The following SOX5 variants were observed in gnomAD, a reference collection of about 807,000 sequenced individuals.
The protein encoded by SOX5 is SRY-box transcription factor 5.
A neutral mutation model predicts 92.0 loss-of-function variants in SOX5; 9 were observed. The observed-to-expected ratio is 0.10, with a 90% CI of 0.06 to 0.17. SOX5 has a LOEUF of 0.17. Among genes scored for constraint, SOX5 ranks in the 10% least tolerant of loss-of-function variants. SOX5 has a pLI of 1.00. For missense variants in SOX5, 642 were observed against 944.5 expected (o/e 0.68, Z 4.20); for synonymous variants, 344 against 336.3 (o/e 1.02, Z -0.25).
chr12:24,407,214 C>A (rs942470244), intron 1 of SOX5, among the ~76,000 whole-genome samples: 12 of 152,100 alleles, frequency 7.9e-5, no homozygotes, highest in Non-Finnish European at 1.6e-4. Context: ...AACAGAAGAT[C>A]CTCGAAGATA....
chr12:24,127,008 A>G (rs1306426883), intron 4 of SOX5, among the ~76,000 whole-genome samples: 3 of 152,140 alleles, frequency 2.0e-5, no homozygotes, highest in African/African-American at 7.2e-5. Context: ...TAAATACTAT[A>G]TAATTAGTAC....
intron 3 of SOX5, among the ~76,000 whole-genome samples, chr12:23,792,826 C>G (rs1261969581): frequency 6.6e-6 from 1 of 151,874 alleles, no homozygotes; most frequent in Non-Finnish European, 1.5e-5. Context: ...CTTTTGCTTT[C>G]TTTTCAAAAA....
chr12:23,905,256 C>A (rs2097279702), intron 1 of SOX5, among the ~76,000 whole-genome samples: 1 of 152,148 alleles, frequency 6.6e-6, no homozygotes, highest in South Asian at 2.1e-4. Flanking sequence ...CAGTTTATGG[C>A]AGCCAAATTC....
intron 9 of SOX5, among the ~76,000 whole-genome samples, chr12:23,580,406 T>A (rs986864930): frequency 3.1e-4 from 47 of 152,052 alleles, no homozygotes; most frequent in African/African-American, 1.1e-3. Flanking sequence ...ACATTTGCTA[T>A]TCTATACATT....
At chr12:24,198,645 G>C (rs1957232906) in intron 4 of SOX5, among the ~76,000 whole-genome samples, 1 of 152,098 alleles carries the variant, frequency 6.6e-6, no homozygotes, top group Non-Finnish European at 1.5e-5. Context: ...GCAACCACAG[G>C]AAAAAGAAGA....
At chr12:24,216,919 C>A (rs751257959) in intron 3 of SOX5, among the ~76,000 whole-genome samples, 4 of 152,062 alleles carry the variant, frequency 2.6e-5, no homozygotes, top group Non-Finnish European at 4.4e-5. Flanking sequence ...CAGAGCAAGA[C>A]TCCATCTTAA....
rs71059953 is a variant in SOX5 at position 23,971,121 on chromosome 12, C to CTTTTT, written c.-1-75102_-1-75098dup. Among the ~76,000 whole-genome samples, 164 of 86,210 alleles carry CTTTTT rather than the reference C, an allele frequency of 1.9e-3. 18 individuals carry two copies. The highest frequency in any genetic ancestry group is 4.1e-3 in the African/African-American group (75 of 18,370). 56.6% of individuals were successfully genotyped at this position (86,210 alleles called of 152,430 possible). A position where few individuals can be genotyped will look rare whatever the true frequency, so the allele number is the denominator to read the frequency against. On this transcript the variant is annotated intron_variant, in intron 4 of 4. Transcript: ENST00000446891. ...CCATCTGAGTAGGTGTGTCAGCTGA[C>CTTTTT]TTTTTTTTTTTTTTTTTTTGAGAGG...
At chr12:23,829,968 A>G (rs945523351) in intron 3 of SOX5, among the ~76,000 whole-genome samples, 12 of 152,152 alleles carry the variant, frequency 7.9e-5, no homozygotes, top group African/African-American at 2.9e-4. Context: ...GACCTGCTAT[A>G]TAAAAAGATT....
At chr12:23,721,498 AT>A (rs1044643837) in intron 6 of SOX5, among the ~76,000 whole-genome samples, 7 of 152,060 alleles carry the variant, frequency 4.6e-5, no homozygotes, top group African/African-American at 1.7e-4. Flanking sequence ...TGTTACCCTC[AT>A]CAAAAAAAAA....
intron 2 of SOX5, among the ~76,000 whole-genome samples, chr12:24,366,160 C>G (rs565402735): frequency 3.3e-5 from 5 of 152,246 alleles, no homozygotes; most frequent in African/African-American, 1.2e-4. Flanking sequence ...GAATGACATG[C>G]AAATTTTCAT....
intron 4 of SOX5, among the ~76,000 whole-genome samples, chr12:24,049,348 C>T (rs553224173): frequency 9.2e-5 from 14 of 152,284 alleles, no homozygotes; most frequent in African/African-American, 2.2e-4. Context: ...TATTTACCCA[C>T]GCTAAACCAC....
chr12:24,330,439 GA>G (rs921234033), intron 2 of SOX5, among the ~76,000 whole-genome samples: 2 of 152,224 alleles, frequency 1.3e-5, no homozygotes, highest in Admixed American at 1.3e-4. Flanking sequence ...CAGTGACAGA[GA>G]GAGAGGAAAA....
intron 4 of SOX5, among the ~76,000 whole-genome samples, chr12:24,025,107 C>T (rs191977639): frequency 2.0e-5 from 3 of 151,910 alleles, no homozygotes; most frequent in South Asian, 2.1e-4. Context: ...TCAAAACTGA[C>T]GATGCTATTT....
At chr12:23,692,408 G>A (rs2089006781) in intron 6 of SOX5, among the ~76,000 whole-genome samples, 1 of 147,114 alleles carries the variant, frequency 6.8e-6, no homozygotes, top group African/African-American at 2.5e-5. Flanking sequence ...CTGCACTTCA[G>A]CCTGGGCGAC....
At chr12:23,908,959 C>T (rs576445936) in intron 1 of SOX5, among the ~76,000 whole-genome samples, 12 of 152,126 alleles carry the variant, frequency 7.9e-5, no homozygotes, top group African/African-American at 2.9e-4. Flanking sequence ...TTAGCACATG[C>T]CCTGTTGTTT....
chr12:23,563,780 T>C (rs1168983763), intron 10 of SOX5, among the ~76,000 whole-genome samples: 1 of 152,214 alleles, frequency 6.6e-6, no homozygotes, highest in Non-Finnish European at 1.5e-5. Context: ...AACATTTGAA[T>C]TTTAGCACAG....
intron 2 of SOX5, among the ~76,000 whole-genome samples, chr12:24,359,875 A>C (rs1274694841): frequency 6.6e-6 from 1 of 152,194 alleles, no homozygotes; most frequent in Admixed American, 6.5e-5. Flanking sequence ...TCATTCCCCA[A>C]TTCTGGATTT....
chr12:24,147,918 G>A (rs1951239722), intron 4 of SOX5, among the ~76,000 whole-genome samples: 1 of 152,098 alleles, frequency 6.6e-6, no homozygotes, highest in Non-Finnish European at 1.5e-5. Flanking sequence ...CATAAATGGA[G>A]ATATTTACTT....
chr12:24,377,174 G>A (rs1347263593), intron 1 of SOX5, among the ~76,000 whole-genome samples: 1 of 152,110 alleles, frequency 6.6e-6, no homozygotes, highest in Admixed American at 6.5e-5. Context: ...TTATCCATTG[G>A]AATATGGCTC....
Sources: allele counts gnomAD v4.1 joint callset (sites outside exome capture counted in the v4.1 genomes callset), GRCh38; gene constraint gnomAD v4.1.1; transcripts MANE v1.5; gene names NCBI Gene and HGNC (gene_info 2026-07-23, HGNC 2026-07-21).